The following FUT8 variants were observed in gnomAD, a reference collection of about 807,000 sequenced individuals.
FUT8 encodes the protein fucosyltransferase 8.
FUT8 carries 29 observed loss-of-function variants against 71.3 expected under a neutral mutation model. The ratio of observed to expected loss-of-function variants is 0.41; its 90% CI spans 0.30 to 0.55. FUT8 has a LOEUF of 0.55. Ranked by LOEUF, FUT8 falls within the 20% of genes least tolerant of loss-of-function variation. The probability of loss-of-function intolerance (pLI) is 0.34; values close to 1 mark genes in which losing one functional copy is unlikely to be tolerated. For synonymous variants in FUT8, 254 were observed against 239.3 expected (o/e 1.06, Z -0.57); for missense variants, 544 against 702.1 (o/e 0.77, Z 2.55).
chr14:65,559,300 A>G (rs1265496428), intron 2 of FUT8, among the ~76,000 whole-genome samples: 1 of 152,144 alleles, frequency 6.6e-6, no homozygotes, highest in Non-Finnish European at 1.5e-5. Context: ...TAGTTTTAGT[A>G]TTCTTGATTC....
chr14:65,491,944 A>T (rs766735824), intron 2 of FUT8, among the ~76,000 whole-genome samples: 3 of 152,220 alleles, frequency 2.0e-5, no homozygotes, highest in Non-Finnish European at 4.4e-5. Context: ...ATGTGTTGTG[A>T]TGTAATATAG....
intron 10 of FUT8, among the ~76,000 whole-genome samples, chr14:65,733,595 T>C (rs931166053): frequency 3.9e-5 from 6 of 152,206 alleles, no homozygotes; most frequent in African/African-American, 1.4e-4. Context: ...TTGCAAGTAA[T>C]GGTTGACTAC....
At chr14:65,397,162 G>A in the FUT8 span, among the ~76,000 whole-genome samples, 2 of 152,192 alleles carry the variant, frequency 1.3e-5, no homozygotes, top group South Asian at 4.1e-4. This position sits in a 1 kb window ranked among gnomAD's most constrained non-coding sequence, Gnocchi z 4.2. Flanking sequence ...AGAAAGAGCT[G>A]GAAGTTCTTG....
intron 3 of FUT8, among the ~76,000 whole-genome samples, chr14:65,601,252 A>G (rs1888273920): frequency 6.6e-6 from 1 of 152,150 alleles, no homozygotes; most frequent in South Asian, 2.1e-4. Flanking sequence ...ATAAAGTGAT[A>G]TTTTCTTTCA....
chr14:65,442,430 A>C (rs1007328657), intron 1 of FUT8, among the ~76,000 whole-genome samples: 1 of 151,792 alleles, frequency 6.6e-6, no homozygotes, highest in Non-Finnish European at 1.5e-5. Flanking sequence ...TCAGCCTCCC[A>C]AAGTGCTGGG....
At chr14:65,548,936 A>G (rs1032441724) in intron 2 of FUT8, among the ~76,000 whole-genome samples, 1 of 152,214 alleles carries the variant, frequency 6.6e-6, no homozygotes, top group Admixed American at 6.5e-5. Context: ...ACTTTACCAG[A>G]GAAGATATAC....
chr14:65,711,352 C>T (rs973447932), intron 7 of FUT8, among the ~76,000 whole-genome samples: 4 of 152,152 alleles, frequency 2.6e-5, no homozygotes, highest in Non-Finnish European at 4.4e-5. Flanking sequence ...AAATTTGGAG[C>T]TAGTTACACT....
chr14:65,365,446 T>C, the FUT8 span, among the ~76,000 whole-genome samples: 2 of 151,830 alleles, frequency 1.3e-5, no homozygotes, highest in Non-Finnish European at 2.9e-5. Context: ...AGGAGCTGGG[T>C]AAAATGAGGC....
At chr14:65,613,886 C>T (rs1315738388) in intron 3 of FUT8, among the ~76,000 whole-genome samples, 4 of 152,000 alleles carry the variant, frequency 2.6e-5, no homozygotes, top group Non-Finnish European at 5.9e-5. Flanking sequence ...TTGAGGTGGG[C>T]GGATCACTTG....
At chr14:65,388,596 T>G in the FUT8 span, among the ~76,000 whole-genome samples, 1 of 152,074 alleles carries the variant, frequency 6.6e-6, no homozygotes, top group Non-Finnish European at 1.5e-5. Context: ...ACCCCGTCTC[T>G]GCTAAAATAC....
intron 2 of FUT8, among the ~76,000 whole-genome samples, chr14:65,477,094 A>G (rs1218945855): frequency 6.6e-6 from 1 of 152,194 alleles, no homozygotes; most frequent in African/African-American, 2.4e-5. Context: ...AGTTATGGCC[A>G]TCAGGGTGTT....
At chr14:65,429,843 A>G (rs1468583166) in intron 1 of FUT8, among the ~76,000 whole-genome samples, 3 of 127,468 alleles carry the variant, frequency 2.4e-5, no homozygotes, top group Admixed American at 1.8e-4. Context: ...CAGCCTGGAT[A>G]GTAGAGTGAG....
chr14:65,425,748 C>CA (rs2065375734), intron 1 of FUT8, among the ~76,000 whole-genome samples: 1 of 151,924 alleles, frequency 6.6e-6, no homozygotes, highest in African/African-American at 2.4e-5. Flanking sequence ...GAGGTTGAGG[C>CA]AGGCGGATCA....
chr14:65,460,458 C>T (rs1206077862), intron 2 of FUT8, among the ~76,000 whole-genome samples: 3 of 152,146 alleles, frequency 2.0e-5, no homozygotes, highest in African/African-American at 4.8e-5. Context: ...TGTAATGCAA[C>T]CCACAGTATG....
intron 2 of FUT8, among the ~76,000 whole-genome samples, chr14:65,543,798 A>G (rs1884829098): frequency 6.6e-6 from 1 of 152,156 alleles, no homozygotes; most frequent in Admixed American, 6.5e-5. Context: ...CCTCTCTCTT[A>G]AAATTAAGAG....
intron 7 of FUT8, among the ~76,000 whole-genome samples, chr14:65,706,242 A>G (rs1167013967): frequency 6.6e-6 from 1 of 152,178 alleles, no homozygotes; most frequent in Non-Finnish European, 1.5e-5. Context: ...CACAACTGGT[A>G]AGTGATAGAG....
chr14:65,434,238 AG>A (rs2065520911), intron 1 of FUT8, among the ~76,000 whole-genome samples: 1 of 152,244 alleles, frequency 6.6e-6, no homozygotes. Flanking sequence ...AACCAGATCC[AG>A]GAACTTAGAT....
At chr14:65,420,114 A>G (rs1204379283) in intron 1 of FUT8, among the ~76,000 whole-genome samples, 1 of 152,158 alleles carries the variant, frequency 6.6e-6, no homozygotes, top group African/African-American at 2.4e-5. Flanking sequence ...GAAACCTGGT[A>G]ATGTGCAATT....
chr14:65,392,214 G>GTC, the FUT8 span, among the ~76,000 whole-genome samples: 2 of 152,248 alleles, frequency 1.3e-5, no homozygotes, highest in African/African-American at 4.8e-5. Flanking sequence ...TTACAGGCAT[G>GTC]AGCCACCGCG....
Sources: gnomAD v4.1 joint callset for allele counts (sites outside exome capture counted in the v4.1 genomes callset) on GRCh38, gnomAD v4.1.1 for gene constraint, Gnocchi (gnomAD v3.1) non-coding constraint, MANE v1.5 for transcripts, NCBI Gene and HGNC (gene_info 2026-07-23, HGNC 2026-07-21) for gene names.